DNAJB6: variants seen among roughly 807,000 people sequenced by gnomAD.
DNAJB6 encodes dnaJ homolog subfamily B member 6.
In DNAJB6, 16 loss-of-function variants were observed where a neutral mutation model predicts 42.7. That is an observed-to-expected ratio of 0.37 (90% CI 0.25 to 0.57). The LOEUF (loss-of-function observed/expected upper bound fraction) is 0.57. DNAJB6 is among the 20% of genes least tolerant of loss of function. The pLI is 0.74. For missense variants in DNAJB6, 347 were observed against 416.8 expected (o/e 0.83, Z 1.46); for synonymous variants, 170 against 163.5 (o/e 1.04, Z -0.30).
Position 157,385,590 on chromosome 7 carries a change from T to C in DNAJB6, c.670T>C (p.Leu224=). The C allele has an allele frequency of 6.2e-7, 1 of 1,613,974 alleles. No homozygotes were observed. The change falls in exon 8 of 10, where the codon TTA becomes CTA. Residue 224 remains leucine (L), a synonymous_variant. Coordinates refer to ENST00000262177, the MANE Select transcript of DNAJB6 (RefSeq NM_058246.4). ...AGTAGAAGTTGAAGAAGATGGCCAG[T>C]TAAAGTCCTTAACAATAAATGGTAA... ...ERVEVEEDGQ[L]KSLTINGVAD...
Position 157,363,290 on chromosome 7 carries a change from T to A in DNAJB6, c.175+20T>A. ...CGGATGGTGAGTGACAGCGAGCTGC[T>A]GAAGGACCCTGAGCGGGCATGCCGG... is the stretch of plus-strand genomic sequence containing the variant. On this transcript the variant is annotated intron_variant, in intron 3 of 9. Transcript: ENST00000262177. 1 of 1,548,324 alleles carries A rather than the reference T, an allele frequency of 6.5e-7. No individual in the cohort carries two copies. Among genetic ancestry groups the A allele is most frequent in the Non-Finnish European group, 8.9e-7 (1 of 1,125,368 alleles).
intron 1 of DNAJB6, chr7:157,337,411 C>T (rs924540277): frequency 1.3e-5 from 2 of 152,120 alleles, no homozygotes; most frequent in African/African-American, 4.8e-5. Context: ...CTTGCCGGAA[C>T]GCGGCCCAGC....
At position 157,366,388 on chromosome 7, in the gene DNAJB6, T is replaced by C. The variant is rs1799845254; in HGVS notation, c.176-114T>C. The C allele has an allele frequency of 4.2e-6, 4 of 956,782 alleles. No individual in the cohort carries two copies. The South Asian group carries it at 4.4e-5, about 11-fold the overall frequency. The allele number at this position is 956,782 out of a possible 1,614,324, so 59.3% of individuals were successfully genotyped here. ...TTAAAGAAAAGGTGGCCATACTCCT[T>C]GAAATTCAGTTGTAAAACATCGAAA... On this transcript the variant is annotated intron_variant, in intron 3 of 9. Coordinates refer to ENST00000262177, the MANE Select transcript of DNAJB6 (RefSeq NM_058246.4).
intron 2 of DNAJB6, 53 bp downstream of exon 2, chr7:157,358,690 T>C: frequency 7.1e-7 from 1 of 1,400,170 alleles, no homozygotes; most frequent in Non-Finnish European, 1.0e-6. Context: ...ACATTGGTAA[T>C]TGAGTAGTAT....
chr7:157,398,829 A>G lies in DNAJB6; in HGVS notation c.692-10966A>G, dbSNP rs190307282. On this transcript the variant is annotated intron_variant, in intron 8 of 9. Transcript: ENST00000262177. ...ATTATACCCAAACAGTAAATTATCT[A>G]TGGGCTGTAGAATTAGAAGTGACTT... 2.6e-5 allele frequency among the ~76,000 whole-genome samples: 4 copies of G among 152,346 alleles called. No homozygotes were observed. The East Asian group carries it at 5.8e-4, about 22-fold the overall frequency.
chr7:157,413,399 G>A (rs1007058825), intron 9 of DNAJB6: 8 of 152,216 alleles, frequency 5.3e-5, no homozygotes, highest in African/African-American at 1.7e-4. Context: ...TGGAGCTCTC[G>A]GAACTGAAGA....
chr7:157,401,054 A>G (rs1157195933), intron 8 of DNAJB6, among the ~76,000 whole-genome samples: 1 of 152,010 alleles, frequency 6.6e-6, no homozygotes, highest in Non-Finnish European at 1.5e-5. Context: ...CCGGGTTTTG[A>G]TGGTGCCGGC....
At chr7:157,340,384 G>T (rs1798298596) in intron 1 of DNAJB6, among the ~76,000 whole-genome samples, 1 of 152,028 alleles carries the variant, frequency 6.6e-6, no homozygotes, top group South Asian at 2.1e-4. Context: ...GTTCAAGGAT[G>T]AATAGAATTT....
At position 157,409,968 on chromosome 7, in the gene DNAJB6, C is replaced by T. The variant is rs1257902721; in HGVS notation, c.865C>T (p.Pro289Ser). The change falls in exon 9 of 10, where the codon CCC becomes TCC. Residue 289 changes from proline to serine, a missense_variant. Physicochemically the swap from Pro to Ser is moderately conservative, Grantham distance 74 (BLOSUM62 -1). Transcript: ENST00000262177. ...EEGEQDRPRAPGPWDPLASAA... is the reference protein window; with the variant it reads ...EEGEQDRPRASGPWDPLASAA... ...GGGCGAGCAGGACCGACCTCGGGCA[C>T]CCGGGCCCTGGGACCCCCTCGCGTC... 2.0e-6 allele frequency: 3 copies of T among 1,535,278 alleles called. No homozygotes were observed. The highest frequency in any genetic ancestry group is 2.4e-5 in the East Asian group (1 of 40,888).
intron 5 of DNAJB6, among the ~76,000 whole-genome samples, chr7:157,374,014 C>T (rs1800346974): frequency 1.3e-5 from 2 of 152,054 alleles, no homozygotes; most frequent in South Asian, 4.1e-4. Context: ...GATGCCATCT[C>T]TAAAAATTTA....
rs115546158 is a variant in DNAJB6, at chr7:157,340,625, C to T, written c.-27+3481C>T. Among the ~76,000 whole-genome samples the T allele has an allele frequency of 4.2e-3, 646 of 152,068 alleles. 5 individuals are homozygous for T. The highest frequency in any genetic ancestry group is 0.015 in the African/African-American group (613 of 41,484). On this transcript the variant is annotated intron_variant, in intron 1 of 9. Transcript: ENST00000262177. ...GACATAAATCACTGTTGACCTGTTT[C>T]ATGTTCCTGGAGATATCCTACTTGA...
At position 157,385,564 on chromosome 7, in the gene DNAJB6, G is replaced by T; in HGVS notation, c.644G>T (p.Arg215Ile). Residue 215 changes from arginine (R) to isoleucine (I), a missense_variant, in exon 8 of 10, where the codon AGA (arginine) becomes ATA (isoleucine). Arg to Ile is a moderately conservative substitution (Grantham distance 97). This residue lies in a region of DNAJB6 where 264 missense variants were observed against 288.0 expected (regional missense o/e 0.92). Coordinates refer to ENST00000262177, the MANE Select transcript of DNAJB6 (RefSeq NM_058246.4). ...TKRIVENGQE[R>I]VEVEEDGQLK... ...AGAATTGTCGAGAACGGTCAAGAAAGAGTAGAAGTTGAAGAAGATGGCCAG... is the reference window on the plus strand; with the variant it reads ...AGAATTGTCGAGAACGGTCAAGAAATAGTAGAAGTTGAAGAAGATGGCCAG... 6.2e-7 allele frequency: 1 copy of T among 1,613,838 alleles called. No homozygotes were observed. The highest frequency in any genetic ancestry group is 1.1e-5 in the South Asian group (1 of 91,060).
chr7:157,409,863 C>G lies in DNAJB6; in HGVS notation c.760C>G (p.Pro254Ala). Residue 254 changes from proline (P) to alanine (A), a missense_variant, in exon 9 of 10, where the codon CCT (proline) becomes GCT (alanine). Physicochemically the swap from Pro to Ala is conservative, Grantham distance 27 (BLOSUM62 -1). Around this residue, in one of 3 missense-constraint regions of DNAJB6, gnomAD observed 264 missense variants for 288.0 expected, o/e 0.92. Transcript: ENST00000262177. Reference sequence around the variant, plus strand: ...AGGCCAGAACGCCCTGCCAGCCCAGCCTGCCGGCCTCCGCCCGCCGAAGCC... The same window carrying G: ...AGGCCAGAACGCCCTGCCAGCCCAGGCTGCCGGCCTCCGCCCGCCGAAGCC... ...RRGQNALPAQ[P>A]AGLRPPKPPR... 1 of 1,533,444 alleles carries G rather than the reference C, an allele frequency of 6.5e-7. No individual in the cohort carries two copies. Among genetic ancestry groups the G allele is most frequent in the Non-Finnish European group, 8.7e-7 (1 of 1,145,690 alleles). 95.0% of individuals were successfully genotyped at this position (1,533,444 alleles called of 1,614,324 possible). A position where few individuals can be genotyped will look rare whatever the true frequency, so the allele number is the denominator to read the frequency against.
At chr7:157,370,423 A>G (rs1044975773) in intron 5 of DNAJB6, among the ~76,000 whole-genome samples, 3 of 152,226 alleles carry the variant, frequency 2.0e-5, no homozygotes, top group Non-Finnish European at 2.9e-5. Flanking sequence ...TCTTAACATT[A>G]TGATTAAACA....
intron 3 of DNAJB6, among the ~76,000 whole-genome samples, chr7:157,364,770 T>C (rs1317033796): frequency 6.6e-6 from 1 of 152,208 alleles, no homozygotes; most frequent in Admixed American, 6.5e-5. Flanking sequence ...GAAAAGTCGC[T>C]TGGTTCTTTT....
chr7:157,406,561 C>T (rs143988854), intron 8 of DNAJB6, among the ~76,000 whole-genome samples: 11 of 152,272 alleles, frequency 7.2e-5, no homozygotes, highest in Non-Finnish European at 1.5e-4. Flanking sequence ...TGGCCGGGGG[C>T]GGAGTGGCTG....
chr7:157,383,320 T>G (rs1458105440), intron 6 of DNAJB6, among the ~76,000 whole-genome samples: 1 of 152,216 alleles, frequency 6.6e-6, no homozygotes, highest in African/African-American at 2.4e-5. Flanking sequence ...GCTGCTGTTT[T>G]GATTCTCTCA....
chr7:157,375,558 C>G (rs1301174989), intron 5 of DNAJB6, among the ~76,000 whole-genome samples: 4 of 152,218 alleles, frequency 2.6e-5, no homozygotes, highest in Non-Finnish European at 5.9e-5. Flanking sequence ...GGCGTGCCTG[C>G]TGTTTAGTGC....
chr7:157,409,554 C>T (rs935718395), intron 8 of DNAJB6, among the ~76,000 whole-genome samples: 1 of 152,206 alleles, frequency 6.6e-6, no homozygotes, highest in African/African-American at 2.4e-5. Flanking sequence ...GGCGGGGAGC[C>T]GCTTCTTCCA....
Sources: gnomAD v4.1 joint callset for allele counts (sites outside exome capture counted in the v4.1 genomes callset) on GRCh38, gnomAD v4.1.1 for gene constraint, gnomAD v4.1.1 regional missense constraint, MANE v1.5 for transcripts, NCBI Gene and HGNC (gene_info 2026-07-23, HGNC 2026-07-21) for gene names.